The following ZNF407 variants were observed in gnomAD, a reference collection of about 807,000 sequenced individuals.
ZNF407 encodes zinc finger protein 407.
In ZNF407, 17 loss-of-function variants were observed where a neutral mutation model predicts 131.2. The observed-to-expected ratio is 0.13, with a 90% CI of 0.09 to 0.19. The LOEUF (loss-of-function observed/expected upper bound fraction) is 0.19. ZNF407 is among the 10% of genes least tolerant of loss of function. The probability of loss-of-function intolerance (pLI) is 1.00; values close to 1 mark genes in which losing one functional copy is unlikely to be tolerated. For missense variants in ZNF407, 2,681 were observed against 2,830.6 expected (o/e 0.95, Z 1.20); for synonymous variants, 1,156 against 1,062.0 (o/e 1.09, Z -1.72).
At chr18:74,624,971 A>G (rs1215888919) in intron 1 of ZNF407, among the ~76,000 whole-genome samples, 1 of 152,176 alleles carries the variant, frequency 6.6e-6, no homozygotes, top group Non-Finnish European at 1.5e-5. Flanking sequence ...CATTGTGCAC[A>G]TGATCATGTA....
chr18:75,045,697 C>G (rs200662039), intron 8 of ZNF407, among the ~76,000 whole-genome samples: 1 of 152,180 alleles, frequency 6.6e-6, no homozygotes, highest in Non-Finnish European at 1.5e-5. Flanking sequence ...ATACTTGTCA[C>G]CCCGCACCCT....
At chr18:74,619,779 T>C (rs1983442942) in intron 1 of ZNF407, among the ~76,000 whole-genome samples, 1 of 152,244 alleles carries the variant, frequency 6.6e-6, no homozygotes, top group Non-Finnish European at 1.5e-5. Context: ...GCCTGTTCTA[T>C]TTGATGTGAA....
At chr18:74,803,595 A>T (rs1462071516) in intron 4 of ZNF407, among the ~76,000 whole-genome samples, 1 of 152,190 alleles carries the variant, frequency 6.6e-6, no homozygotes, top group Non-Finnish European at 1.5e-5. Flanking sequence ...GCAATGCATT[A>T]TGTTATTTCT....
At chr18:74,829,543 T>C (rs936629293) in intron 4 of ZNF407, among the ~76,000 whole-genome samples, 1 of 152,044 alleles carries the variant, frequency 6.6e-6, no homozygotes, top group African/African-American at 2.4e-5. Flanking sequence ...TTTGGGTGAG[T>C]GAAGGGGAAC....
chr18:74,711,591 G>A (rs1402922972), intron 3 of ZNF407, among the ~76,000 whole-genome samples: 1 of 152,198 alleles, frequency 6.6e-6, no homozygotes, highest in African/African-American at 2.4e-5. Context: ...TCATTCCTGG[G>A]CTGGACTTCA....
chr18:75,055,180 G>T (rs1380720342), intron 8 of ZNF407, among the ~76,000 whole-genome samples: 16 of 152,180 alleles, frequency 1.1e-4, no homozygotes, highest in Non-Finnish European at 2.1e-4. Flanking sequence ...CTTTCTGCTG[G>T]CACATCAACT....
intron 8 of ZNF407, among the ~76,000 whole-genome samples, chr18:74,924,385 A>G (rs1031446395): frequency 6.6e-6 from 1 of 152,072 alleles, no homozygotes; most frequent in African/African-American, 2.4e-5. Context: ...TTTAGGCCCA[A>G]TCTAGGTCTA....
At chr18:74,901,805 A>T (rs1413816324) in intron 7 of ZNF407, among the ~76,000 whole-genome samples, 1 of 152,210 alleles carries the variant, frequency 6.6e-6, no homozygotes, top group African/African-American at 2.4e-5. Flanking sequence ...ACACATGCAC[A>T]CATATATTAT....
At chr18:74,958,680 A>G (rs895307998) in intron 8 of ZNF407, among the ~76,000 whole-genome samples, 1 of 152,224 alleles carries the variant, frequency 6.6e-6, no homozygotes, top group East Asian at 1.9e-4. Flanking sequence ...TTGCCTGTCT[A>G]AGCCCTCACT....
chr18:75,005,835 C>T (rs574585984), intron 8 of ZNF407, among the ~76,000 whole-genome samples: 50 of 151,964 alleles, frequency 3.3e-4, no homozygotes, highest in African/African-American at 9.9e-4. Context: ...CCCAGCTTAT[C>T]GCACGAGAGC....
At chr18:74,793,959 G>A (rs1168699610) in intron 4 of ZNF407, among the ~76,000 whole-genome samples, 5 of 152,130 alleles carry the variant, frequency 3.3e-5, no homozygotes, top group Non-Finnish European at 7.4e-5. Flanking sequence ...TGTTAACCAG[G>A]GCTTCATCAA....
At chr18:74,671,158 A>C (rs1406419910) in intron 3 of ZNF407, among the ~76,000 whole-genome samples, 1 of 151,934 alleles carries the variant, frequency 6.6e-6, no homozygotes. Context: ...TTTTCCATAC[A>C]TTTGTCAATT....
intron 4 of ZNF407, among the ~76,000 whole-genome samples, chr18:74,853,893 G>T (rs1453309389): frequency 6.6e-6 from 1 of 152,172 alleles, no homozygotes; most frequent in Admixed American, 6.5e-5. Context: ...CTTAGATTAT[G>T]TCAGTTCTTA....
rs201035922 is a variant in ZNF407 at position 75,063,491 on chromosome 18, G to A, written c.5770G>A (p.Val1924Met). ...TSQSGAHVGS[V>M]VPGPILPEQL... ...TCAGAGCGGGGCACATGTAGGCAGC[G>A]TGGTGCCCGGACCCATCCTCCCCGA... The change falls in exon 9 of 9, where the codon GTG becomes ATG. Residue 1924 changes from valine (V) to methionine (M), a missense_variant. Coordinates refer to ENST00000299687, the MANE Select transcript of ZNF407 (RefSeq NM_017757.3). This position sits in a 1 kb window ranked among gnomAD's most constrained non-coding sequence, Gnocchi z 6.6. 1.3e-4 allele frequency: 214 copies of A among 1,595,604 alleles called. 1 individual carries two copies. The highest frequency in any genetic ancestry group is 1.4e-4 in the South Asian group (12 of 88,550).
chr18:74,870,747 T>G (rs1359999363), intron 4 of ZNF407, among the ~76,000 whole-genome samples: 1 of 152,212 alleles, frequency 6.6e-6, no homozygotes, highest in Non-Finnish European at 1.5e-5. Flanking sequence ...CAGTTACTGT[T>G]ATTTAGCTAT....
chr18:74,904,320 T>G (rs1236432615), intron 7 of ZNF407, among the ~76,000 whole-genome samples: 3 of 152,234 alleles, frequency 2.0e-5, no homozygotes, highest in Non-Finnish European at 4.4e-5. Context: ...CTTCTCCTTC[T>G]TTATACCAGC....
At chr18:74,660,695 G>A (rs575416609) in intron 3 of ZNF407, among the ~76,000 whole-genome samples, 17 of 152,184 alleles carry the variant, frequency 1.1e-4, no homozygotes, top group African/African-American at 4.1e-4. Context: ...AAGTTTGCAT[G>A]TGTTCTTTTA....
At chr18:74,627,006 C>T (rs1178850589) in intron 1 of ZNF407, among the ~76,000 whole-genome samples, 2 of 152,194 alleles carry the variant, frequency 1.3e-5, no homozygotes, top group African/African-American at 4.8e-5. Context: ...GTTTTATCCT[C>T]AACTTATAAT....
intron 8 of ZNF407, among the ~76,000 whole-genome samples, chr18:75,008,826 C>T (rs565926756): frequency 1.3e-4 from 20 of 152,106 alleles, no homozygotes; most frequent in African/African-American, 3.9e-4. Flanking sequence ...TGCTGTAAGG[C>T]GTGACATAAA....
Sources: gnomAD v4.1 joint callset for allele counts (sites outside exome capture counted in the v4.1 genomes callset) on GRCh38, gnomAD v4.1.1 for gene constraint, Gnocchi (gnomAD v3.1) non-coding constraint, MANE v1.5 for transcripts, NCBI Gene and HGNC (gene_info 2026-07-23, HGNC 2026-07-21) for gene names.